TM4SF1: variants seen among roughly 807,000 people sequenced by gnomAD.
The protein encoded by TM4SF1 is transmembrane 4 L6 family member 1.
TM4SF1 carries 20 observed loss-of-function variants against 24.5 expected under a neutral mutation model. That is an observed-to-expected ratio of 0.82 (90% CI 0.57 to 1.19). The LOEUF (loss-of-function observed/expected upper bound fraction) is 1.19. Ranked by LOEUF, TM4SF1 falls within the 50% of genes most tolerant of loss-of-function variation. The probability of loss-of-function intolerance (pLI) is 0.00; values close to 1 mark genes in which losing one functional copy is unlikely to be tolerated. For synonymous variants in TM4SF1, 107 were observed against 95.4 expected, an observed-to-expected ratio of 1.12 and a Z score of -0.71; for missense variants, 258 against 248.1, an observed-to-expected ratio of 1.04 and a Z score of -0.27.
At chr3:149,370,979 T>C (rs1731809330) in intron 4 of TM4SF1, 1 of 152,240 alleles carries the variant, frequency 6.6e-6, no homozygotes, top group Non-Finnish European at 1.5e-5. Flanking sequence ...CTTTCACTGC[T>C]ACAAACAAAT....
chr3:149,376,375 T>C (rs1731953562), intron 1 of TM4SF1, among the ~76,000 whole-genome samples: 1 of 152,198 alleles, frequency 6.6e-6, no homozygotes, highest in Non-Finnish European at 1.5e-5. Flanking sequence ...TAATAATGCT[T>C]AAATTTGAGG....
intron 4 of TM4SF1, 176 bp downstream of exon 4, chr3:149,371,511 C>G: frequency 1.5e-6 from 1 of 668,452 alleles, no homozygotes; most frequent in Non-Finnish European, 2.6e-6. Context: ...CTGTGAGACT[C>G]GAGGAAGCTT....
intron 3 of TM4SF1, among the ~76,000 whole-genome samples, chr3:149,374,393 AT>A: frequency 6.6e-6 from 1 of 152,324 alleles, no homozygotes; most frequent in South Asian, 2.1e-4. Flanking sequence ...TGTTATTAAT[AT>A]TATTTTTAAT....
chr3:149,377,382 C>T lies in TM4SF1; in HGVS notation c.166G>A (p.Gly56Ser), dbSNP rs1307442301. ...CCTGAATGACTTACCAGCAGGCCAC[C>T]TCCTACGATGCCAGAAAAGAACCAC... is the stretch of plus-strand genomic sequence containing the variant. ...FVWFFSGIVG[G>S]GLLMLLPAFV... is the part of the protein sequence containing the mutation. Residue 56 changes from glycine (G) to serine (S), a missense_variant, in exon 1 of 5, where the codon GGT (glycine) becomes AGT (serine). By Grantham distance (56) the Gly-to-Ser change is moderately conservative. Transcript: ENST00000305366. The T allele has an allele frequency of 1.2e-6, 2 of 1,613,688 alleles. No individual in the cohort carries two copies. The highest frequency in any genetic ancestry group is 1.7e-5 in the Admixed American group (1 of 59,976).
chr3:149,377,304 A>T (rs555608147), intron 1 of TM4SF1, 67 bp downstream of exon 1: 18 of 1,529,908 alleles, frequency 1.2e-5, no homozygotes, highest in South Asian at 6.5e-5. Flanking sequence ...AAAACTTTCC[A>T]TGAAAATACA....
chr3:149,377,589 C>T lies in TM4SF1; in HGVS notation c.-42G>A. ...TTCTCCCCCTTCTCTTTGTCTTCAG[C>T]TCAGTGATACCCCAAATTAGATGAA... On this transcript the variant is annotated 5_prime_UTR_variant, in exon 1 of 5. Coordinates refer to ENST00000305366, the MANE Select transcript of TM4SF1 (RefSeq NM_014220.3). 6.3e-7 allele frequency: 1 copy of T among 1,585,230 alleles called. No homozygotes were observed. Among genetic ancestry groups the T allele is most frequent in the Non-Finnish European group, 8.6e-7 (1 of 1,164,476 alleles).
chr3:149,375,420 C>A, intron 3 of TM4SF1, 23 bp downstream of exon 3: 1 of 1,613,254 alleles, frequency 6.2e-7, no homozygotes, highest in Non-Finnish European at 8.5e-7. Flanking sequence ...AAATGTGTAG[C>A]CATGTAGAGA....
rs2108376072 is a variant in TM4SF1, at chr3:149,369,829, T to C, written c.*37A>G. ...GTGAAATATATAAATTACAATGAAA[T>C]AGAGGAAGATTGTGGCTCTGTCCTG... On this transcript the variant is annotated 3_prime_UTR_variant, in exon 5 of 5. Coordinates refer to ENST00000305366, the MANE Select transcript of TM4SF1 (RefSeq NM_014220.3). 1 of 1,607,332 alleles carries C rather than the reference T, an allele frequency of 6.2e-7. No individual in the cohort carries two copies. Among genetic ancestry groups the C allele is most frequent in the Non-Finnish European group, 8.5e-7 (1 of 1,177,708 alleles).
chr3:149,375,647 A>G, intron 2 of TM4SF1, 33 bp downstream of exon 2: 1 of 1,614,148 alleles, frequency 6.2e-7, no homozygotes, highest in Non-Finnish European at 8.5e-7. Flanking sequence ...ACATCTTAGG[A>G]GTCATTTTCA....
At chr3:149,370,667 A>T (rs1731800553) in intron 4 of TM4SF1, 1 of 152,212 alleles carries the variant, frequency 6.6e-6, no homozygotes, top group African/African-American at 2.4e-5. Flanking sequence ...AAATTTGCCA[A>T]AGAAATTATT....
rs1731757868 is a variant in TM4SF1 at position 149,369,051 on chromosome 3, C to G, written c.*815G>C. The G allele has an allele frequency of 6.6e-6, 1 of 151,076 alleles. No homozygotes were observed. Among genetic ancestry groups the G allele is most frequent in the South Asian group, 2.1e-4 (1 of 4,792 alleles). 9.4% of individuals were successfully genotyped at this position (151,076 alleles called of 1,614,324 possible). On this transcript the variant is annotated 3_prime_UTR_variant, in exon 5 of 5. Coordinates refer to ENST00000305366, the MANE Select transcript of TM4SF1 (RefSeq NM_014220.3). ...AGTGAATACTTTATTTTGTTGTAAA[C>G]AAGTTAGTTTTGAGGGTATTTCCTC...
intron 4 of TM4SF1, 54 bp from the exon 5 acceptor site, chr3:149,369,934 A>T: frequency 6.4e-7 from 1 of 1,566,962 alleles, no homozygotes; most frequent in East Asian, 2.3e-5. Context: ...TAATGATGAC[A>T]TTTTAGTCCT....
intron 3 of TM4SF1, among the ~76,000 whole-genome samples, chr3:149,373,705 T>G (rs1467155380): frequency 1.3e-5 from 2 of 152,224 alleles, no homozygotes; most frequent in Non-Finnish European, 2.9e-5. Flanking sequence ...GGCTTGTGAC[T>G]GTTAGTTATT....
intron 4 of TM4SF1, chr3:149,371,173 T>C (rs1470135988): frequency 1.3e-5 from 2 of 155,842 alleles, no homozygotes; most frequent in African/African-American, 4.8e-5. Context: ...ACAGCAAGTG[T>C]GGAATACAGG....
chr3:149,375,340 G>C, intron 3 of TM4SF1, 103 bp downstream of exon 3: 1 of 1,431,208 alleles, frequency 7.0e-7, no homozygotes, highest in Non-Finnish European at 9.6e-7. Context: ...TGGCTAGGTG[G>C]GTGGATGGAT....
intron 3 of TM4SF1, among the ~76,000 whole-genome samples, chr3:149,373,159 A>G (rs913664364): frequency 6.6e-6 from 1 of 152,234 alleles, no homozygotes; most frequent in Non-Finnish European, 1.5e-5. Flanking sequence ...AGCCGCTAGA[A>G]CAGTATCTGA....
chr3:149,375,537 A>T lies in TM4SF1; in HGVS notation c.319T>A (p.Cys107Ser). 6.2e-7 allele frequency: 1 copy of T among 1,614,246 alleles called. No individual in the cohort carries two copies. Among genetic ancestry groups the T allele is most frequent in the East Asian group, 2.2e-5 (1 of 44,890 alleles). Residue 107 changes from cysteine (C) to serine (S), a missense_variant, in exon 3 of 5, where the codon TGT (cysteine) becomes AGT (serine). Physicochemically the swap from Cys to Ser is moderately radical, Grantham distance 112. Coordinates refer to ENST00000305366, the MANE Select transcript of TM4SF1 (RefSeq NM_014220.3). ...ALIGIAGSGYCVIVAALGLAE... is the reference protein window; with the variant it reads ...ALIGIAGSGYSVIVAALGLAE... ...AAGCCAAGGGCTGCCACAATGACAC[A>T]GTAGCCAGATCCTGCAATTCCAATG... is the stretch of plus-strand genomic sequence containing the variant.
rs1731989632 is a variant in TM4SF1 at position 149,377,502 on chromosome 3, C to T, written c.46G>A (p.Gly16Arg). 6.2e-7 allele frequency: 1 copy of T among 1,613,946 alleles called. No individual in the cohort carries two copies. Among genetic ancestry groups the T allele is most frequent in the Non-Finnish European group, 8.5e-7 (1 of 1,180,040 alleles). ...CARCIGHSLV[G>R]LALLCIAANI... ...GCCGCGATGCACAGGAGGGCGAGCC[C>T]CACCAGAGAATGTCCGATGCATCGT... The change falls in exon 1 of 5, where the codon GGG (glycine) becomes AGG (arginine). Residue 16 changes from glycine (G) to arginine (R), a missense_variant. Gly to Arg is a moderately radical substitution (Grantham distance 125, BLOSUM62 -2). Coordinates refer to ENST00000305366, the MANE Select transcript of TM4SF1 (RefSeq NM_014220.3).
In TM4SF1 at chr3:149,372,245, C is replaced by T. The variant is rs528314510; in HGVS notation, c.414-378G>A. ...TCATGTATGTGTAGGAAGTAAACTA[C>T]GAGCAAATGCGGAAAAATGAAAATA... On this transcript the variant is annotated intron_variant, in intron 3 of 4. Coordinates refer to ENST00000305366, the MANE Select transcript of TM4SF1 (RefSeq NM_014220.3). Among the ~76,000 whole-genome samples the T allele has an allele frequency of 4.4e-4, 67 of 152,154 alleles. 1 individual carries two copies. The highest frequency in any genetic ancestry group is 1.5e-3 in the African/African-American group (63 of 41,498).
Sources: allele counts gnomAD v4.1 joint callset (sites outside exome capture counted in the v4.1 genomes callset), GRCh38; gene constraint gnomAD v4.1.1; transcripts MANE v1.5; gene names NCBI Gene and HGNC (gene_info 2026-07-23, HGNC 2026-07-21).